The following CTNNAL1 variants were observed in gnomAD, a reference collection of about 807,000 sequenced individuals.
The protein encoded by CTNNAL1 is catenin alpha like 1.
Under a neutral mutation model 93.6 loss-of-function variants are expected in CTNNAL1, and 69 were observed. The observed-to-expected ratio is 0.74, with a 90% CI of 0.61 to 0.90. CTNNAL1 has a LOEUF of 0.90. CTNNAL1 is among the 40% of genes least tolerant of loss of function. CTNNAL1 has a pLI of 0.00. For synonymous variants in CTNNAL1, 286 were observed against 305.4 expected (o/e 0.94, Z 0.66); for missense variants, 836 against 862.0 (o/e 0.97, Z 0.38).
intron 11 of CTNNAL1, among the ~76,000 whole-genome samples, chr9:108,956,923 C>T (rs1005628525): frequency 1.3e-5 from 2 of 150,976 alleles, no homozygotes; most frequent in East Asian, 1.9e-4. Flanking sequence ...TAAACACTTA[C>T]AAGTGTTTAA....
intron 1 of CTNNAL1, among the ~76,000 whole-genome samples, chr9:109,000,024 A>G (rs1323608732): frequency 1.3e-5 from 2 of 152,244 alleles, no homozygotes; most frequent in African/African-American, 4.8e-5. Flanking sequence ...TACTAGTATT[A>G]AAAGAAGGGG....
chr9:108,996,294 G>C (rs1186630506), intron 2 of CTNNAL1, among the ~76,000 whole-genome samples: 2 of 152,134 alleles, frequency 1.3e-5, no homozygotes, highest in South Asian at 4.2e-4. Flanking sequence ...CTTTATATTA[G>C]TTCCCTCAAA....
chr9:108,970,364 G>C (rs2304780), intron 10 of CTNNAL1, 38 bp downstream of exon 10: 84,568 of 1,569,932 alleles, frequency 0.054, 3,142 homozygotes, highest in Admixed American at 0.17. Flanking sequence ...CACTCAGATA[G>C]GACACAATAC....
chr9:108,977,711 A>G (rs916031742), intron 7 of CTNNAL1, among the ~76,000 whole-genome samples: 2 of 152,242 alleles, frequency 1.3e-5, no homozygotes, highest in African/African-American at 4.8e-5. Context: ...GGTCGTAGAT[A>G]TTCAATTCTT....
At chr9:108,984,551 A>C (rs568445223) in intron 4 of CTNNAL1, 115 bp from the exon 5 acceptor site, 1 of 515,816 alleles carries the variant, frequency 1.9e-6, no homozygotes, top group South Asian at 3.0e-5. Flanking sequence ...GTTAAGTGAA[A>C]AAAAAAAAAA....
At chr9:108,972,868 G>GGGGGGCCCCCCGGGC in intron 8 of CTNNAL1, 35 bp from the exon 9 acceptor site, 1 of 1,092,792 alleles carries the variant, frequency 9.2e-7, no homozygotes, top group Middle Eastern at 3.3e-4. Context: ...GGGTGGGAGG[G>GGGGGGCCCCCCGGGC]TGGAGAAGGA....
intron 6 of CTNNAL1, among the ~76,000 whole-genome samples, chr9:108,980,894 C>T (rs1039271123): frequency 1.3e-5 from 2 of 151,986 alleles, no homozygotes; most frequent in Non-Finnish European, 2.9e-5. Flanking sequence ...TTTAAAGAGG[C>T]TATTTACTGA....
chr9:108,978,697 A>G (rs1166351227), intron 7 of CTNNAL1, among the ~76,000 whole-genome samples: 1 of 152,184 alleles, frequency 6.6e-6, no homozygotes, highest in African/African-American at 2.4e-5. Context: ...AAGCACACCA[A>G]CAGCCCATTT....
intron 11 of CTNNAL1, among the ~76,000 whole-genome samples, chr9:108,959,437 T>C (rs1336638056): frequency 7.1e-6 from 1 of 140,614 alleles, no homozygotes; most frequent in African/African-American, 2.7e-5. Context: ...GGAAAAAAAT[T>C]AAAAAATCTG....
intron 1 of CTNNAL1, among the ~76,000 whole-genome samples, chr9:109,005,426 C>A (rs1370991398): frequency 1.3e-5 from 2 of 152,028 alleles, no homozygotes; most frequent in Admixed American, 6.5e-5. Flanking sequence ...TCCTAACCCC[C>A]AATGTGATGG....
intron 8 of CTNNAL1, 35 bp from the exon 9 acceptor site, chr9:108,972,868 G>GGGGGGGGGGCCCCCCTGGGT: frequency 9.2e-7 from 1 of 1,092,792 alleles, no homozygotes; most frequent in Non-Finnish European, 1.2e-6. Context: ...GGGTGGGAGG[G>GGGGGGGGGGCCCCCCTGGGT]TGGAGAAGGA....
At chr9:109,001,094 C>T (rs1826806096) in intron 1 of CTNNAL1, among the ~76,000 whole-genome samples, 1 of 149,986 alleles carries the variant, frequency 6.7e-6, no homozygotes. Flanking sequence ...ATTGCTTGAA[C>T]CCAGGAGGTG....
Position 108,955,847 on chromosome 9 carries a change from C to G in CTNNAL1, c.1592-20G>C. On this transcript the variant is annotated intron_variant, in intron 11 of 18. Coordinates refer to ENST00000325551, the MANE Select transcript of CTNNAL1 (RefSeq NM_003798.4). ...TCTCTCCTACAAATAACACATATAA[C>G]TTAAAAAATTTTTTCTATTAATATA... 1.3e-6 allele frequency: 2 copies of G among 1,527,656 alleles called. No homozygotes were observed. Among genetic ancestry groups the G allele is most frequent in the East Asian group, 4.8e-5 (2 of 42,038 alleles). The allele number at this position is 1,527,656 out of a possible 1,614,324, so 94.6% of individuals were successfully genotyped here. A position where few individuals can be genotyped will look rare whatever the true frequency, so the allele number is the denominator to read the frequency against.
chr9:109,001,006 C>CAA (rs72260036), intron 1 of CTNNAL1, among the ~76,000 whole-genome samples: 18 of 127,036 alleles, frequency 1.4e-4, no homozygotes, highest in South Asian at 5.0e-4. Context: ...ACTAAAAATA[C>CAA]AAAAAAAAAA....
rs577411133 is a variant in CTNNAL1, at chr9:108,983,415, A to T, written c.730-100T>A. 2.1e-5 allele frequency: 27 copies of T among 1,262,330 alleles called. 1 individual carries two copies. In the South Asian group the frequency reaches 6.7e-4, roughly 32 times the overall value. The allele number at this position is 1,262,330 out of a possible 1,614,324, so 78.2% of individuals were successfully genotyped here. The stretch of plus-strand genomic sequence containing the variant: ...GTCATGCTAAGAAAAATGGTTCTTT[A>T]CCAAAATCTCCTGGGTCCCTGGCTC... On this transcript the variant is annotated intron_variant, in intron 5 of 18. Coordinates refer to ENST00000325551, the MANE Select transcript of CTNNAL1 (RefSeq NM_003798.4).
chr9:109,006,284 A>C (rs1340856850), intron 1 of CTNNAL1, among the ~76,000 whole-genome samples: 2 of 152,214 alleles, frequency 1.3e-5, no homozygotes, highest in Admixed American at 6.5e-5. Context: ...AGTACCAGGC[A>C]CTAGCCTATG....
At chr9:108,949,919 G>A (rs1830509472) in intron 14 of CTNNAL1, among the ~76,000 whole-genome samples, 1 of 151,252 alleles carries the variant, frequency 6.6e-6, no homozygotes, top group South Asian at 2.1e-4. Flanking sequence ...AGCTACTCGG[G>A]AGGCTAAGGC....
chr9:108,952,511 A>G lies in CTNNAL1; in HGVS notation c.1630-17T>C, dbSNP rs370369097. ...ATTATTCTTCTGTGACAATAAAAAGATTAAGATTATCTTAAAAAGCAGTAC... is the reference window on the plus strand; with the variant it reads ...ATTATTCTTCTGTGACAATAAAAAGGTTAAGATTATCTTAAAAAGCAGTAC... On this transcript the variant is annotated splice_polypyrimidine_tract_variant and intron_variant, in intron 12 of 18. Coordinates refer to ENST00000325551, the MANE Select transcript of CTNNAL1 (RefSeq NM_003798.4). 5.1e-5 allele frequency: 82 copies of G among 1,613,848 alleles called. No individual in the cohort carries two copies. The highest frequency in any genetic ancestry group is 6.7e-5 in the Non-Finnish European group (79 of 1,179,928).
At chr9:108,952,847 T>G (rs929221351) in intron 12 of CTNNAL1, among the ~76,000 whole-genome samples, 6 of 152,228 alleles carry the variant, frequency 3.9e-5, no homozygotes, top group African/African-American at 1.4e-4. Context: ...CCTCCCTGGC[T>G]TCTCTGTTCA....
Sources: gnomAD v4.1 joint callset for allele counts (sites outside exome capture counted in the v4.1 genomes callset) on GRCh38, gnomAD v4.1.1 for gene constraint, MANE v1.5 for transcripts, NCBI Gene and HGNC (gene_info 2026-07-23, HGNC 2026-07-21) for gene names.